Variants in LRRIQ1 observed in about 807,000 individuals in gnomAD.
The protein encoded by LRRIQ1 is leucine rich repeats and IQ motif containing 1.
LRRIQ1 carries 210 observed loss-of-function variants against 211.9 expected under a neutral mutation model. That is an observed-to-expected ratio of 0.99 (90% CI 0.89 to 1.11). The LOEUF (loss-of-function observed/expected upper bound fraction) is 1.11, where lower values mean the gene tolerates loss of function less well. Among genes scored for constraint, LRRIQ1 ranks in the 50% most tolerant of loss-of-function variants. The pLI is 0.00. For synonymous variants in LRRIQ1, 699 were observed against 650.1 expected, an observed-to-expected ratio of 1.08 and a Z score of -1.14; for missense variants, 2,136 against 1,939.5, an observed-to-expected ratio of 1.10 and a Z score of -1.90.
At chr12:85,132,542 C>T (rs1450407127) in intron 18 of LRRIQ1, among the ~76,000 whole-genome samples, 1 of 151,992 alleles carries the variant, frequency 6.6e-6, no homozygotes, top group Admixed American at 6.6e-5. Context: ...CCAAGTTGGA[C>T]AGATTGCTTG....
chr12:85,152,247 T>G, intron 19 of LRRIQ1, 33 bp from the exon 20 acceptor site: 1 of 1,550,588 alleles, frequency 6.4e-7, no homozygotes, highest in South Asian at 1.2e-5. Flanking sequence ...TTATGTAAGC[T>G]AAATTACATA....
In LRRIQ1 at chr12:85,150,990, CTT is replaced by C. The variant is rs1169832531; in HGVS notation, c.4330-1289_4330-1288del. The stretch of plus-strand genomic sequence containing the variant: ...GGTGAGAATGCTTAAAATGTATTCT[CTT>C]AATGATTTTCAAGAATATACTATAT... On this transcript the variant is annotated intron_variant, in intron 19 of 26. Coordinates refer to ENST00000393217, the MANE Select transcript of LRRIQ1 (RefSeq NM_001079910.2). Among the ~76,000 whole-genome samples, 3 of 151,370 alleles carry C rather than the reference CTT, an allele frequency of 2.0e-5. No homozygotes were observed. The Admixed American group carries it at 2.0e-4, about 10-fold the overall frequency.
chr12:85,175,528 T>A (rs537834713), intron 24 of LRRIQ1, among the ~76,000 whole-genome samples: 1 of 152,254 alleles, frequency 6.6e-6, no homozygotes, highest in South Asian at 2.1e-4. Flanking sequence ...ATCTAAATAA[T>A]CATTGGCTTC....
intron 25 of LRRIQ1, among the ~76,000 whole-genome samples, chr12:85,230,699 T>C (rs1894890942): frequency 6.6e-6 from 1 of 152,206 alleles, no homozygotes; most frequent in South Asian, 2.1e-4. Context: ...TCAAGATTTT[T>C]GTTTTAGCTA....
At chr12:85,213,049 C>T (rs1057425093) in intron 24 of LRRIQ1, among the ~76,000 whole-genome samples, 1 of 151,028 alleles carries the variant, frequency 6.6e-6, no homozygotes, top group African/African-American at 2.4e-5. Flanking sequence ...GATTAAATAG[C>T]CCAGGTAGCA....
At chr12:85,258,224 A>T (rs932936225) in intron 1 of LRRIQ1, among the ~76,000 whole-genome samples, 3 of 151,970 alleles carry the variant, frequency 2.0e-5, no homozygotes, top group East Asian at 1.9e-4. Flanking sequence ...TAATGCTAGT[A>T]ACAAATACTG....
At chr12:85,107,352 C>T (rs1886855783) in intron 15 of LRRIQ1, among the ~76,000 whole-genome samples, 1 of 151,914 alleles carries the variant, frequency 6.6e-6, no homozygotes, top group Admixed American at 6.6e-5. Context: ...AATAAGTTCC[C>T]TCCCCTAGTA....
intron 24 of LRRIQ1, among the ~76,000 whole-genome samples, chr12:85,186,173 G>T (rs1432019197): frequency 6.6e-6 from 1 of 152,074 alleles, no homozygotes; most frequent in Non-Finnish European, 1.5e-5. Flanking sequence ...GCATCTACTT[G>T]TTCAAAAGAA....
At chr12:85,254,538 G>T (rs1896034801) in intron 1 of LRRIQ1, among the ~76,000 whole-genome samples, 1 of 151,966 alleles carries the variant, frequency 6.6e-6, no homozygotes, top group Non-Finnish European at 1.5e-5. Flanking sequence ...TAATGTCCTT[G>T]CTTGCATGCT....
intron 24 of LRRIQ1, among the ~76,000 whole-genome samples, chr12:85,189,504 A>T (rs899607023): frequency 2.0e-5 from 3 of 152,072 alleles, no homozygotes; most frequent in Admixed American, 6.6e-5. Context: ...GGGAATTATG[A>T]GAAATCTTGA....
chr12:85,250,924 A>ATTATATATTATATATAATATATT lies in LRRIQ1; in HGVS notation c.121+6031_121+6053dup, dbSNP rs1565928937. On this transcript the variant is annotated intron_variant, in intron 1 of 1. Transcript: ENST00000602731. ...ATATTATATATAATATATTTTATAT[A>ATTATATATTATATATAATATATT]TTATATATTATATATAATATATTTT... is the stretch of plus-strand genomic sequence containing the variant. Among the ~76,000 whole-genome samples the ATTATATATTATATATAATATATT allele has an allele frequency of 4.5e-3, 358 of 79,536 alleles. 16 individuals carry two copies. Among genetic ancestry groups the ATTATATATTATATATAATATATT allele is most frequent in the African/African-American group, 0.034 (332 of 9,838 alleles). 52.2% of individuals were successfully genotyped at this position (79,536 alleles called of 152,430 possible). A position where few individuals can be genotyped will look rare whatever the true frequency, so the allele number is the denominator to read the frequency against.
chr12:85,099,384 A>T (rs1286300124), intron 13 of LRRIQ1, among the ~76,000 whole-genome samples: 1 of 151,854 alleles, frequency 6.6e-6, no homozygotes, highest in Non-Finnish European at 1.5e-5. Context: ...CTGGAAGGAC[A>T]ATTTTTACTC....
chr12:85,051,605 T>C (rs1295187311), intron 6 of LRRIQ1, among the ~76,000 whole-genome samples: 1 of 152,210 alleles, frequency 6.6e-6, no homozygotes, highest in African/African-American at 2.4e-5. Context: ...TTATTATTTT[T>C]TATATTTTTC....
At chr12:85,216,264 C>G (rs1894075152) in intron 24 of LRRIQ1, among the ~76,000 whole-genome samples, 1 of 152,034 alleles carries the variant, frequency 6.6e-6, no homozygotes, top group Non-Finnish European at 1.5e-5. Context: ...TGAGAACATG[C>G]AGTATTTGGT....
rs1895004429 is a variant in LRRIQ1, at chr12:85,232,764, A to G, written c.5016+8A>G. The G allele has an allele frequency of 6.2e-7, 1 of 1,608,488 alleles. No homozygotes were observed. The highest frequency in any genetic ancestry group is 8.5e-7 in the Non-Finnish European group (1 of 1,175,358). On this transcript the variant is annotated splice_region_variant and intron_variant, in intron 26 of 26. Transcript: ENST00000393217. ...GGAAGAGTTCAGCTTGTGGTAAGAA[A>G]TGTGCTTAAAGTTACAGAAAAATGT...
chr12:85,073,173 GC>G lies in LRRIQ1; in HGVS notation c.2887+76del. ...GAGGTATGGGGAGGGTTGGATCTAG[GC>G]AGTCACCATCATCTCCTTTATTTTT... On this transcript the variant is annotated intron_variant, in intron 11 of 26. Transcript: ENST00000393217. 3.0e-6 allele frequency: 3 copies of G among 998,864 alleles called. No homozygotes were observed. In the South Asian group the frequency reaches 5.4e-5, roughly 18 times the overall value. The allele number at this position is 998,864 out of a possible 1,614,324, so 61.9% of individuals were successfully genotyped here.
At chr12:85,217,780 CTATA>C (rs141432283) in intron 24 of LRRIQ1, among the ~76,000 whole-genome samples, 7 of 128,066 alleles carry the variant, frequency 5.5e-5, no homozygotes, top group Non-Finnish European at 9.2e-5. Context: ...GTGTCTCTCT[CTATA>C]TATATATGTA....
In LRRIQ1 at chr12:85,207,190, C is replaced by T. The variant is rs187539405; in HGVS notation, c.4823-22327C>T. On this transcript the variant is annotated intron_variant, in intron 24 of 26. Coordinates refer to ENST00000393217, the MANE Select transcript of LRRIQ1 (RefSeq NM_001079910.2). ...GGAGCCTGGAATAAATCCCAGTACA[C>T]AGTAGCCTTGTGCAGAGTTCCCAGC... 2.8e-4 allele frequency among the ~76,000 whole-genome samples: 43 copies of T among 152,240 alleles called. No homozygotes were observed. In the East Asian group the frequency reaches 7.6e-3, roughly 27 times the overall value.
chr12:85,097,041 A>G (rs1332995333), intron 11 of LRRIQ1, among the ~76,000 whole-genome samples: 2 of 152,048 alleles, frequency 1.3e-5, no homozygotes, highest in Non-Finnish European at 2.9e-5. Context: ...CTTTGAGCCT[A>G]TATGTTTTGT....
Sources: allele counts gnomAD v4.1 joint callset (sites outside exome capture counted in the v4.1 genomes callset), GRCh38; gene constraint gnomAD v4.1.1; transcripts MANE v1.5; gene names NCBI Gene and HGNC (gene_info 2026-07-23, HGNC 2026-07-21).